CCNT2: variants seen among roughly 807,000 people sequenced by gnomAD.
The protein encoded by CCNT2 is cyclin T2, also known as cyclin-T2.
A neutral mutation model predicts 70.0 loss-of-function variants in CCNT2; 18 were observed. That is an observed-to-expected ratio of 0.26 (90% confidence interval 0.18 to 0.38). The LOEUF (loss-of-function observed/expected upper bound fraction) is 0.38, where lower values mean the gene tolerates loss of function less well. Among genes scored for constraint, CCNT2 ranks in the 10% least tolerant of loss-of-function variants. The pLI, the probability that CCNT2 is intolerant of heterozygous loss-of-function variation, is 1.00. For missense variants in CCNT2, 734 were observed against 890.2 expected (o/e 0.82, Z 2.23); for synonymous variants, 334 against 313.3 (o/e 1.07, Z -0.70).
chr2:134,951,394 A>G (rs1263196157), intron 7 of CCNT2, among the ~76,000 whole-genome samples: 1 of 152,184 alleles, frequency 6.6e-6, no homozygotes, highest in East Asian at 1.9e-4. Flanking sequence ...TAATGACATT[A>G]TTAGTTCATC....
chr2:134,948,720 C>CTTTTT (rs11385900), intron 7 of CCNT2, among the ~76,000 whole-genome samples: 20,079 of 142,906 alleles, frequency 0.14, 1,849 homozygotes, highest in Middle Eastern at 0.4. Context: ...ATAGATAACA[C>CTTTTT]TTTTTTTTTT....
At chr2:134,949,944 G>A (rs946137528) in intron 7 of CCNT2, among the ~76,000 whole-genome samples, 2 of 151,988 alleles carry the variant, frequency 1.3e-5, no homozygotes, top group Non-Finnish European at 2.9e-5. Flanking sequence ...ACAGGTGCCT[G>A]CCACCACGCC....
intron 5 of CCNT2, chr2:134,944,776 C>G: frequency 2.0e-6 from 2 of 985,320 alleles, no homozygotes; most frequent in Non-Finnish European, 2.4e-6. Context: ...TGCTCTTTTA[C>G]AACTTTTAGC....
chr2:134,952,717 A>G lies in CCNT2; in HGVS notation c.774+6A>G. 1.9e-6 allele frequency: 3 copies of G among 1,597,836 alleles called. No homozygotes were observed. Among genetic ancestry groups the G allele is most frequent in the Non-Finnish European group, 2.6e-6 (3 of 1,167,172 alleles). ...AGAAGATTCGAAACTGGAGGGTAAG[A>G]GAATTGACAGGGTTTAACAGAATTT... On this transcript the variant is annotated splice_donor_region_variant and intron_variant, in intron 8 of 8. Coordinates refer to ENST00000264157, the MANE Select transcript of CCNT2 (RefSeq NM_058241.3).
intron 8 of CCNT2, chr2:134,952,973 CAAGTT>C (rs1682637742): frequency 2.1e-6 from 1 of 482,758 alleles, no homozygotes; most frequent in South Asian, 4.0e-5. Flanking sequence ...GAAGCCTAGA[CAAGTT>C]AAATTACTTT....
chr2:134,946,001 T>C, intron 5 of CCNT2, 100 bp from the exon 6 acceptor site: 4 of 1,606,212 alleles, frequency 2.5e-6, no homozygotes, highest in Non-Finnish European at 3.4e-6. Flanking sequence ...AATTTACTTT[T>C]TGTGTACAAA....
intron 2 of CCNT2, chr2:134,920,437 C>G (rs894847812): frequency 6.6e-6 from 1 of 152,248 alleles, no homozygotes; most frequent in East Asian, 1.9e-4. Context: ...TTGGGTGATT[C>G]AAACGTCCAC....
chr2:134,947,792 G>A lies in CCNT2; in HGVS notation c.596G>A (p.Cys199Tyr). 1 of 1,562,634 alleles carries A rather than the reference G, an allele frequency of 6.4e-7. No individual in the cohort carries two copies. Among genetic ancestry groups the A allele is most frequent in the African/African-American group, 1.3e-5 (1 of 74,508 alleles). The change falls in exon 7 of 9, where the codon TGC becomes TAC. Residue 199 changes from cysteine to tyrosine, a missense_variant. Cys to Tyr is a radical substitution (Grantham distance 194). Transcript: ENST00000264157. ...QYKPTVIACV[C>Y]IHLACKWSNW... ...AAACCAACAGTGATAGCATGTGTATGCATTCATTTGGCTTGCAAATGGTCC... is the reference window on the plus strand; with the variant it reads ...AAACCAACAGTGATAGCATGTGTATACATTCATTTGGCTTGCAAATGGTCC...
intron 4 of CCNT2, among the ~76,000 whole-genome samples, chr2:134,939,446 CTTTTTTATTTTATTTA>C (rs1179173726): frequency 2.0e-5 from 3 of 151,572 alleles, no homozygotes; most frequent in African/African-American, 4.9e-5. Context: ...AGTATATCAC[CTTTTTTATTTTATTTA>C]TTTATTTATT....
rs146977179 is a variant in CCNT2, at chr2:134,925,265, A to G, written c.240+5374A>G. On this transcript the variant is annotated intron_variant, in intron 2 of 8. Coordinates refer to ENST00000264157, the MANE Select transcript of CCNT2 (RefSeq NM_058241.3). ...AATTCTTGATTCATCTCATATGGAC[A>G]CCCAGTGGCACGTATCATATAGGAT... Among the ~76,000 whole-genome samples the G allele has an allele frequency of 2.5e-3, 383 of 152,236 alleles. 1 individual carries two copies. The highest frequency in any genetic ancestry group is 8.7e-3 in the African/African-American group (363 of 41,528).
chr2:134,943,601 T>A, intron 5 of CCNT2: 2 of 984,914 alleles, frequency 2.0e-6, no homozygotes, highest in Non-Finnish European at 2.4e-6. Flanking sequence ...ACAGGAGTAC[T>A]TTTTAAAAAT....
chr2:134,942,827 C>A, intron 5 of CCNT2, 153 bp downstream of exon 5: 1 of 1,381,302 alleles, frequency 7.2e-7, no homozygotes, highest in Non-Finnish European at 9.4e-7. Flanking sequence ...TAGTGTTCTA[C>A]ATCTACTTCT....
At chr2:134,946,368 A>C in intron 6 of CCNT2, 1 of 1,257,164 alleles carries the variant, frequency 8.0e-7, no homozygotes, top group Non-Finnish European at 1.0e-6. Context: ...CTGATGACAT[A>C]TTCTCGATTT....
In CCNT2 at chr2:134,939,663, A is replaced by G. The variant is rs1359435676; in HGVS notation, c.430+601A>G. ...TGTAATTTAGTAGAGACGGGGTTTC[A>G]CCGTGTTGCCCAGGCTGGACATGAA... On this transcript the variant is annotated intron_variant, in intron 4 of 8. Coordinates refer to ENST00000264157, the MANE Select transcript of CCNT2 (RefSeq NM_058241.3). 2.6e-5 allele frequency among the ~76,000 whole-genome samples: 4 copies of G among 152,038 alleles called. No individual in the cohort carries two copies. In the East Asian group the frequency reaches 7.8e-4, roughly 29 times the overall value.
chr2:134,919,052 C>G (rs747387945), intron 1 of CCNT2, 40 bp downstream of exon 1: 2 of 1,547,508 alleles, frequency 1.3e-6, no homozygotes, highest in Admixed American at 1.9e-5. Flanking sequence ...CCCTGTTTCC[C>G]TTGCCCGGTC....
intron 2 of CCNT2, 28 bp downstream of exon 2, chr2:134,919,919 T>C (rs1488446097): frequency 6.7e-7 from 1 of 1,496,754 alleles, no homozygotes; most frequent in Non-Finnish European, 9.2e-7. Flanking sequence ...GTTTTTACTG[T>C]CCGCAAATTT....
rs1314237762 is a variant in CCNT2 at position 134,918,865 on chromosome 2, G to A, written c.11G>A (p.Gly4Asp). Residue 4 changes from glycine to aspartate, a missense_variant, in exon 1 of 9, where the codon GGC becomes GAC. Physicochemically the swap from Gly to Asp is moderately conservative, Grantham distance 94. Transcript: ENST00000264157. MASGRGASSRWFFT... is the reference protein window; with the variant it reads MASDRGASSRWFFT... ...GGAGGAGGAAGTGTCATGGCGTCGG[G>A]CCGTGGAGCTTCTTCTCGCTGGTTC... 4 of 1,613,502 alleles carry A rather than the reference G, an allele frequency of 2.5e-6. No individual in the cohort carries two copies. The highest frequency in any genetic ancestry group is 3.4e-6 in the Non-Finnish European group (4 of 1,179,654).
chr2:134,946,767 A>C (rs930981153), intron 6 of CCNT2, among the ~76,000 whole-genome samples: 5 of 151,978 alleles, frequency 3.3e-5, no homozygotes, highest in Non-Finnish European at 5.9e-5. Flanking sequence ...TGAACAGATA[A>C]CATTTCCATC....
chr2:134,954,063 C>T lies in CCNT2; in HGVS notation c.1608C>T (p.Ser536=), dbSNP rs976615666. The T allele has an allele frequency of 1.2e-6, 2 of 1,613,588 alleles. No individual in the cohort carries two copies. Among genetic ancestry groups the T allele is most frequent in the African/African-American group, 2.7e-5 (2 of 74,916 alleles). ...AAGTTTCTTCTTCAGAAAGACACAG[C>T]TCTTCTGATGAAGGCAGTGGGAAGA... ...KIKVSSSERH[S]SSDEGSGKSK... Residue 536 remains serine (S), a synonymous_variant, in exon 9 of 9, where the codon AGC becomes AGT. Transcript: ENST00000264157.
Sources: allele counts gnomAD v4.1 joint callset (sites outside exome capture counted in the v4.1 genomes callset), GRCh38; gene constraint gnomAD v4.1.1; transcripts MANE v1.5; gene names NCBI Gene and HGNC (gene_info 2026-07-23, HGNC 2026-07-21).